Variants in MSN observed in about 807,000 individuals in gnomAD.
MSN encodes the protein epididymis luminal protein 70.
MSN carries 2 observed loss-of-function variants against 48.0 expected under a neutral mutation model. That is an observed-to-expected ratio of 0.04 (90% CI 0.02 to 0.13). MSN has a LOEUF of 0.13. Ranked by LOEUF, MSN falls within the 10% of genes least tolerant of loss-of-function variation. MSN has a pLI of 1.00. For synonymous variants in MSN, 146 were observed against 166.9 expected (o/e 0.87, Z 0.97); for missense variants, 267 against 470.1 (o/e 0.57, Z 3.99).
chrX:65,622,810 C>T (rs2070464249), intron 1 of MSN, among the ~76,000 whole-genome samples: 1 of 111,707 alleles, frequency 9.0e-6, no homozygotes, highest in Admixed American at 9.6e-5. Context: ...TGCTCCCAGT[C>T]AGCATCTTTG....
chrX:65,636,774 A>C (rs1341343099), intron 1 of MSN, among the ~76,000 whole-genome samples: 5 of 96,717 alleles, frequency 5.2e-5, no homozygotes, highest in Non-Finnish European at 2.0e-5. Context: ...AAAAAAAAAA[A>C]CCAGAAAGAA....
chrX:65,697,158 G>C (rs1218951641), intron 1 of MSN, among the ~76,000 whole-genome samples: 1 of 108,463 alleles, frequency 9.2e-6, no homozygotes, highest in Non-Finnish European at 1.9e-5. Flanking sequence ...ATGGGGATGA[G>C]AATTGGATTA....
intron 1 of MSN, among the ~76,000 whole-genome samples, chrX:65,650,248 C>A (rs1319545158): frequency 9.2e-6 from 1 of 109,278 alleles, no homozygotes; most frequent in Non-Finnish European, 1.9e-5. Flanking sequence ...CCACTATTCC[C>A]AGCTAATTTT....
At chrX:65,708,832 G>A (rs1024991952) in intron 1 of MSN, among the ~76,000 whole-genome samples, 4 of 110,353 alleles carry the variant, frequency 3.6e-5, no homozygotes, top group Non-Finnish European at 7.6e-5. Context: ...ACAGGCACAC[G>A]CCATCACACC....
intron 1 of MSN, among the ~76,000 whole-genome samples, chrX:65,654,065 T>C (rs1468664033): frequency 9.6e-6 from 1 of 103,773 alleles, no homozygotes; most frequent in Admixed American, 1.1e-4. Context: ...CGTGAGCCAC[T>C]GCACCTGGCT....
chrX:65,700,182 C>G (rs181599214), intron 1 of MSN, among the ~76,000 whole-genome samples: 15 of 111,605 alleles, frequency 1.3e-4, no homozygotes, highest in Middle Eastern at 9.3e-3. Flanking sequence ...AAGCCAGGTG[C>G]TTTTCTGTTT....
At chrX:65,711,062 A>T (rs2071409863) in intron 1 of MSN, among the ~76,000 whole-genome samples, 1 of 103,690 alleles carries the variant, frequency 9.6e-6, no homozygotes, top group Non-Finnish European at 2.0e-5. Context: ...TTTTTGTATT[A>T]TTATTATTTT....
At chrX:65,712,394 C>T (rs1326428692) in intron 1 of MSN, among the ~76,000 whole-genome samples, 4 of 110,906 alleles carry the variant, frequency 3.6e-5, no homozygotes, top group Non-Finnish European at 7.5e-5. Context: ...GCTCCTGACC[C>T]GTGTGTTCAG....
chrX:65,596,187 A>G (rs752438730), intron 1 of MSN, among the ~76,000 whole-genome samples: 1 of 111,471 alleles, frequency 9.0e-6, no homozygotes, highest in South Asian at 3.8e-4. Flanking sequence ...CTGGCTGTAG[A>G]ACTGGGACTG....
At chrX:65,667,609 C>T, upstream of MSN, 1 of 945,188 alleles carries the variant, frequency 1.1e-6, no homozygotes, top group Non-Finnish European at 1.3e-6. Flanking sequence ...CGGGGAGCGG[C>T]GCGGAAGCCG....
At chrX:65,711,121 C>T (rs999386805) in intron 1 of MSN, among the ~76,000 whole-genome samples, 12 of 110,519 alleles carry the variant, frequency 1.1e-4, no homozygotes, top group Admixed American at 6.8e-4. Flanking sequence ...TGCAATGACG[C>T]GATGTCAACT....
At chrX:65,631,822 C>T (rs2070561302) in intron 1 of MSN, among the ~76,000 whole-genome samples, 1 of 110,198 alleles carries the variant, frequency 9.1e-6, no homozygotes. Context: ...CAAGCATGTG[C>T]TACTACACCT....
At chrX:65,683,940 T>C (rs2071084554) in intron 1 of MSN, among the ~76,000 whole-genome samples, 1 of 102,200 alleles carries the variant, frequency 9.8e-6, no homozygotes, top group Non-Finnish European at 2.0e-5. Context: ...TTCTTTCTTT[T>C]TCTTTTTTTT....
At chrX:65,639,451 C>T (rs113542782) in intron 1 of MSN, among the ~76,000 whole-genome samples, 4,537 of 112,001 alleles carry the variant, frequency 0.041, 241 homozygotes, top group African/African-American at 0.14. Flanking sequence ...GGCCTGAAAG[C>T]TCATTTTCTA....
intron 1 of MSN, among the ~76,000 whole-genome samples, chrX:65,668,317 C>G (rs747788970): frequency 8.9e-6 from 1 of 112,074 alleles, no homozygotes; most frequent in Non-Finnish European, 1.9e-5. Flanking sequence ...CGGGGCGGAT[C>G]CGGCACCCCC....
At chrX:65,675,768 G>C (rs1292644303) in intron 1 of MSN, among the ~76,000 whole-genome samples, 4 of 111,034 alleles carry the variant, frequency 3.6e-5, no homozygotes, top group African/African-American at 1.3e-4. Flanking sequence ...CTCCCAAATA[G>C]CTGGGATTAC....
chrX:65,636,125 T>C (rs1314927173), intron 1 of MSN, among the ~76,000 whole-genome samples: 2 of 111,724 alleles, frequency 1.8e-5, no homozygotes, highest in Middle Eastern at 4.2e-3. Flanking sequence ...CTGGGCAATC[T>C]AGCTTCTATA....
intron 1 of MSN, among the ~76,000 whole-genome samples, chrX:65,681,296 C>T (rs1454727510): frequency 8.9e-6 from 1 of 111,982 alleles, no homozygotes; most frequent in African/African-American, 3.3e-5. Context: ...ATCTGGGCTC[C>T]TAGGCTTGCT....
At chrX:65,594,513 C>A (rs772421780) in intron 1 of MSN, among the ~76,000 whole-genome samples, 1 of 110,970 alleles carries the variant, frequency 9.0e-6, no homozygotes, top group Non-Finnish European at 1.9e-5. Flanking sequence ...TTGAAAGGAC[C>A]TTTGGGAATT....
Sources: gnomAD v4.1 joint callset for allele counts (sites outside exome capture counted in the v4.1 genomes callset) on GRCh38, gnomAD v4.1.1 for gene constraint, MANE v1.5 for transcripts, NCBI Gene and HGNC (gene_info 2026-07-23, HGNC 2026-07-21) for gene names.